Variants in VAT1L observed in about 807,000 individuals in gnomAD.
VAT1L encodes the protein putative NADPH-dependent quinone oxidoreductase VAT1L.
Under a neutral mutation model 44.1 loss-of-function variants are expected in VAT1L, and 34 were observed. That is an observed-to-expected ratio of 0.77 (90% CI 0.59 to 1.03). The LOEUF is 1.03. Ranked by LOEUF, VAT1L falls within the 50% of genes least tolerant of loss-of-function variation. VAT1L has a pLI of 0.00. For missense variants in VAT1L, 615 were observed against 538.8 expected, an observed-to-expected ratio of 1.14 and a Z score of -1.40; for synonymous variants, 253 against 202.2, an observed-to-expected ratio of 1.25 and a Z score of -2.13.
At chr16:77,892,703 C>T in intron 7 of VAT1L, 4 of 734,158 alleles carry the variant, frequency 5.4e-6, no homozygotes, top group South Asian at 5.4e-5. Context: ...GCATATAGGT[C>T]CTGGCATCTG....
chr16:77,897,026 G>A (rs2017331888), intron 7 of VAT1L, among the ~76,000 whole-genome samples: 1 of 152,174 alleles, frequency 6.6e-6, no homozygotes, highest in Non-Finnish European at 1.5e-5. Flanking sequence ...TATCTTATTT[G>A]CAGAAAGGCA....
rs974207784 is a variant in VAT1L at position 77,795,914 on chromosome 16, C to G, written c.233+6999C>G. Among the ~76,000 whole-genome samples the G allele has an allele frequency of 6.7e-5, 10 of 150,164 alleles. No individual in the cohort carries two copies. In the East Asian group the frequency reaches 2.0e-3, roughly 30 times the overall value. ...AATTTCGGCTCACTGCAACCTCCAC[C>G]TACCAAGTTCAAGCGATTCTCCTGC... On this transcript the variant is annotated intron_variant, in intron 1 of 8. Transcript: ENST00000302536.
intron 4 of VAT1L, among the ~76,000 whole-genome samples, chr16:77,866,111 A>G (rs138025334): frequency 7.2e-4 from 110 of 152,186 alleles, no homozygotes; most frequent in African/African-American, 2.2e-3. Context: ...CGTTTACACA[A>G]CCCTCCGTCC....
chr16:77,885,004 G>A (rs559684073), intron 7 of VAT1L, among the ~76,000 whole-genome samples: 6 of 152,302 alleles, frequency 3.9e-5, no homozygotes, highest in East Asian at 1.9e-4. Context: ...TGCAAACCAC[G>A]TGCCTCATCA....
At chr16:77,937,190 G>A (rs865992397) in intron 7 of VAT1L, among the ~76,000 whole-genome samples, 88 of 152,132 alleles carry the variant, frequency 5.8e-4, no homozygotes, top group Admixed American at 3.0e-3. Context: ...CCAACCTGAG[G>A]GTTTTGAGAG....
intron 7 of VAT1L, among the ~76,000 whole-genome samples, chr16:77,945,012 A>T (rs1486280772): frequency 2.0e-5 from 3 of 152,248 alleles, no homozygotes; most frequent in Non-Finnish European, 4.4e-5. Flanking sequence ...ATAATGAAGA[A>T]TGATGAGGCT....
At chr16:77,814,918 C>A (rs1222711339) in intron 1 of VAT1L, among the ~76,000 whole-genome samples, 3 of 152,182 alleles carry the variant, frequency 2.0e-5, no homozygotes, top group Non-Finnish European at 4.4e-5. Context: ...TCAAGGCTAA[C>A]ATGTATTGAA....
chr16:77,803,132 T>G (rs2016094155), intron 1 of VAT1L, among the ~76,000 whole-genome samples: 1 of 152,244 alleles, frequency 6.6e-6, no homozygotes, highest in African/African-American at 2.4e-5. Context: ...CCCTGTGCCC[T>G]AAAGTTGCTC....
chr16:77,915,294 C>T (rs1171282847), intron 7 of VAT1L, among the ~76,000 whole-genome samples: 1 of 152,160 alleles, frequency 6.6e-6, no homozygotes, highest in African/African-American at 2.4e-5. Flanking sequence ...AAATTGTGTA[C>T]TACACATCCT....
At chr16:77,805,433 G>C (rs1039664922) in intron 1 of VAT1L, among the ~76,000 whole-genome samples, 2 of 152,144 alleles carry the variant, frequency 1.3e-5, no homozygotes, top group Non-Finnish European at 2.9e-5. Context: ...TTCAGTTCTG[G>C]GGCAATGAGA....
chr16:77,799,551 GTGTGT>G (rs2016007985), intron 1 of VAT1L, among the ~76,000 whole-genome samples: 1 of 134,116 alleles, frequency 7.5e-6, no homozygotes, highest in Non-Finnish European at 1.6e-5. Context: ...GTGTGTGTGT[GTGTGT>G]GGTGTGTATT....
At chr16:77,876,725 A>G (rs2017091216) in intron 5 of VAT1L, among the ~76,000 whole-genome samples, 1 of 152,230 alleles carries the variant, frequency 6.6e-6, no homozygotes, top group East Asian at 1.9e-4. Flanking sequence ...GGTCATTGAT[A>G]TGACTAGAAC....
At chr16:77,962,298 T>C (rs2018168053) in intron 7 of VAT1L, among the ~76,000 whole-genome samples, 1 of 152,126 alleles carries the variant, frequency 6.6e-6, no homozygotes, top group Non-Finnish European at 1.5e-5. Context: ...GGGAATAGAA[T>C]TCTGGAAGGC....
At chr16:77,923,913 A>G (rs1460344772) in intron 7 of VAT1L, among the ~76,000 whole-genome samples, 1 of 152,174 alleles carries the variant, frequency 6.6e-6, no homozygotes, top group East Asian at 1.9e-4. Flanking sequence ...TCTCTCCACA[A>G]GCTTGGATTT....
In VAT1L at chr16:77,825,315, T is replaced by A. The variant is rs772726859; in HGVS notation, c.433T>A (p.Phe145Ile). The change falls in exon 3 of 9, where the codon TTT becomes ATT. Residue 145 changes from phenylalanine (F) to isoleucine (I), a missense_variant. Coordinates refer to ENST00000302536, the MANE Select transcript of VAT1L (RefSeq NM_020927.3). ...AGAGGTGGTCTGCACACCAGTGGAG[T>A]TTGTCTACAAGATCCCGGATGACAT... Reference protein sequence around the residue: ...WAEVVCTPVEFVYKIPDDMSF... With the variant: ...WAEVVCTPVEIVYKIPDDMSF... 2.5e-6 allele frequency: 4 copies of A among 1,614,068 alleles called. No individual in the cohort carries two copies. Among genetic ancestry groups the A allele is most frequent in the Non-Finnish European group, 2.5e-6 (3 of 1,180,028 alleles).
chr16:77,943,166 CCT>C (rs2017911524), intron 7 of VAT1L, among the ~76,000 whole-genome samples: 1 of 151,644 alleles, frequency 6.6e-6, no homozygotes, highest in African/African-American at 2.4e-5. Flanking sequence ...AAGCGATTCT[CCT>C]GCCTCAGCCT....
At chr16:77,964,452 C>T (rs2018199807) in intron 7 of VAT1L, among the ~76,000 whole-genome samples, 1 of 152,182 alleles carries the variant, frequency 6.6e-6, no homozygotes, top group Non-Finnish European at 1.5e-5. Context: ...TCACTCCAAA[C>T]TCTGCTTCCC....
At chr16:77,849,723 C>T (rs1056351498) in intron 3 of VAT1L, among the ~76,000 whole-genome samples, 8 of 152,094 alleles carry the variant, frequency 5.3e-5, no homozygotes, top group African/African-American at 1.9e-4. Context: ...TATCTGGAGA[C>T]CTGGCCACTG....
intron 3 of VAT1L, among the ~76,000 whole-genome samples, chr16:77,856,034 A>T (rs149896892): frequency 6.6e-6 from 1 of 152,256 alleles, no homozygotes; most frequent in Admixed American, 6.5e-5. Context: ...ACAAACAAAC[A>T]AACAAAAAAC....
Sources: allele counts gnomAD v4.1 joint callset (sites outside exome capture counted in the v4.1 genomes callset), GRCh38; gene constraint gnomAD v4.1.1; transcripts MANE v1.5; gene names NCBI Gene and HGNC (gene_info 2026-07-23, HGNC 2026-07-21).